Variants in XG observed in about 807,000 individuals in gnomAD.
XG encodes the protein Xg glycoprotein (Xg blood group).
In XG, 24 loss-of-function variants were observed where a neutral mutation model predicts 25.7. That is an observed-to-expected ratio of 0.93 (90% CI 0.68 to 1.31). The LOEUF is 1.31. XG is among the 40% of genes most tolerant of loss of function. The pLI is 0.00. For synonymous variants in XG, 77 were observed against 69.2 expected (o/e 1.11, Z -0.56); for missense variants, 181 against 187.6 (o/e 0.96, Z 0.21).
rs1179667048 is a variant in XG at position 2,786,260 on chromosome X, C to CTTT, written c.191-3369_191-3367dup. ...CCCCAGCAGCTCCTATCCATGTTGT[C>CTTT]TTTTTTTTTTTTTTTTTCAGACAGA... is the stretch of plus-strand genomic sequence containing the variant. On this transcript the variant is annotated intron_variant, in intron 4 of 10. Transcript: ENST00000644266. Among the ~76,000 whole-genome samples, 9 of 60,567 alleles carry CTTT rather than the reference C, an allele frequency of 1.5e-4. 1 individual carries two copies. The highest frequency in any genetic ancestry group is 9.5e-4 in the East Asian group (2 of 2,112). 52.6% of individuals were successfully genotyped at this position (60,567 alleles called of 115,157 possible).
intron 2 of XG, among the ~76,000 whole-genome samples, chrX:2,771,259 A>T (rs311148): frequency 0.5 from 75,396 of 150,676 alleles, 19,318 homozygotes; most frequent in South Asian, 0.64. Flanking sequence ...CTTACACTTC[A>T]GTTCATATCC....
At chrX:2,780,728 AAG>A (rs111344644) in intron 3 of XG, among the ~76,000 whole-genome samples, 50,402 of 149,666 alleles carry the variant, frequency 0.34, 5,061 homozygotes, top group South Asian at 0.4. Context: ...AAAAAAAAAA[AAG>A]AAGAAGTATA....
chrX:2,756,986 A>G (rs2050449770), intron 1 of XG, among the ~76,000 whole-genome samples: 2 of 152,190 alleles, frequency 1.3e-5, no homozygotes, highest in African/African-American at 2.4e-5. Flanking sequence ...TCCAGCATCC[A>G]GGAAGAATCA....
chrX:2,756,313 AAAT>A (rs1328647484), intron 1 of XG, among the ~76,000 whole-genome samples: 3 of 152,186 alleles, frequency 2.0e-5, no homozygotes, highest in African/African-American at 7.2e-5. Context: ...GCAGTGTATG[AAAT>A]GTCATTTATT....
At chrX:2,780,480 G>A (rs935659786) in intron 3 of XG, among the ~76,000 whole-genome samples, 8 of 146,484 alleles carry the variant, frequency 5.5e-5, no homozygotes, top group Admixed American at 1.4e-4. Context: ...CTGTCATCCC[G>A]GCACTTTGGG....
intron 5 of XG, among the ~76,000 whole-genome samples, chrX:2,794,032 G>A (rs2086860606): frequency 9.0e-6 from 1 of 111,137 alleles, no homozygotes; most frequent in African/African-American, 3.3e-5. Flanking sequence ...GGGAGGTGGG[G>A]CAGAAGGAGA....
intron 4 of XG, among the ~76,000 whole-genome samples, chrX:2,783,520 G>C (rs1362272292): frequency 8.9e-6 from 1 of 112,678 alleles, no homozygotes; most frequent in Non-Finnish European, 1.9e-5. Context: ...AGGGGTTCTG[G>C]AAGCTTCCTG....
chrX:2,808,788 G>T (rs2087027873), intron 9 of XG, among the ~76,000 whole-genome samples: 1 of 111,230 alleles, frequency 9.0e-6, no homozygotes, highest in South Asian at 3.9e-4. Flanking sequence ...CAACCCCAAG[G>T]CTCTTGTGAG....
At chrX:2,754,665 G>T (rs1045921805) in intron 1 of XG, among the ~76,000 whole-genome samples, 9 of 152,184 alleles carry the variant, frequency 5.9e-5, no homozygotes, top group African/African-American at 2.2e-4. Flanking sequence ...GCCAGTCCAG[G>T]TTCCAAAACT....
At chrX:2,804,635 G>A (rs752386686) in intron 7 of XG, among the ~76,000 whole-genome samples, 269 of 111,769 alleles carry the variant, frequency 2.4e-3, no homozygotes, top group Middle Eastern at 4.6e-3. Context: ...TTCGGGACAC[G>A]TTCTTTTGTT....
intron 7 of XG, among the ~76,000 whole-genome samples, chrX:2,798,226 C>T (rs1467511051): frequency 9.0e-6 from 1 of 111,257 alleles, no homozygotes; most frequent in Non-Finnish European, 1.9e-5. Flanking sequence ...GTTTGGAAAA[C>T]GACTGAAGCA....
At chrX:2,773,482 G>GGAAGGAAGGAAGGAAGGAGA (rs2050877789) in intron 2 of XG, among the ~76,000 whole-genome samples, 1 of 135,496 alleles carries the variant, frequency 7.4e-6, no homozygotes, top group Non-Finnish European at 1.5e-5. Context: ...AAGGAGAGAG[G>GGAAGGAAGGAAGGAAGGAGA]GAAGGAAGGA....
At chrX:2,789,940 A>C (rs906091263) in intron 5 of XG, among the ~76,000 whole-genome samples, 1 of 109,869 alleles carries the variant, frequency 9.1e-6, no homozygotes, top group Non-Finnish European at 1.9e-5. Context: ...GCAGCCTTGA[A>C]CTCCTGGGCT....
intron 1 of XG, among the ~76,000 whole-genome samples, chrX:2,753,267 T>C (rs760864259): frequency 4.6e-5 from 7 of 152,326 alleles, no homozygotes; most frequent in Non-Finnish European, 1.0e-4. Context: ...TTCTGTGCTG[T>C]CTTCAGATCT....
intron 1 of XG, among the ~76,000 whole-genome samples, chrX:2,753,452 A>G (rs1425318897): frequency 6.6e-6 from 1 of 152,240 alleles, no homozygotes; most frequent in Non-Finnish European, 1.5e-5. Context: ...AAGTGCGGAT[A>G]CAGACAGTTC....
Position 2,811,453 on chromosome X carries a change from G to A in XG, c.571+1G>A, listed in dbSNP as rs1471799818. On this transcript the variant is annotated splice_donor_variant, in intron 10 of 10. Coordinates refer to ENST00000644266, the MANE Select transcript of XG (RefSeq NM_001141919.2). LOFTEE classifies it high-confidence loss of function. The stretch of plus-strand genomic sequence containing the variant: ...AGGAGAAATTGTTTCAGGACCCATG[G>A]TAAGTTTGGCTCTAAACATTGTTTT... 8.4e-7 allele frequency: 1 copy of A among 1,185,639 alleles called. No individual in the cohort carries two copies. Among genetic ancestry groups the A allele is most frequent in the South Asian group, 1.9e-5 (1 of 53,930 alleles).
Position 2,792,490 on chromosome X carries a change from C to G in XG, c.254-2045C>G, listed in dbSNP as rs761418594. ...GCTGGGACTACAGACACACAGCACT[C>G]CACCTGGCTAATTTTTTCTTTTTTC... is the stretch of plus-strand genomic sequence containing the variant. On this transcript the variant is annotated intron_variant, in intron 5 of 10. Transcript: ENST00000644266. 1.0e-4 allele frequency among the ~76,000 whole-genome samples: 11 copies of G among 109,227 alleles called. No individual in the cohort carries two copies. The South Asian group carries it at 4.6e-3, about 45-fold the overall frequency. The allele number at this position is 109,227 out of a possible 115,157, so 94.9% of individuals were successfully genotyped here.
intron 8 of XG, 109 bp downstream of exon 8, chrX:2,806,854 C>T: frequency 3.1e-6 from 2 of 638,603 alleles, no homozygotes; most frequent in Non-Finnish European, 2.3e-6. Flanking sequence ...CAGTGCACAA[C>T]CAACTGGCCG....
At chrX:2,801,200 T>C (rs1368008926) in intron 7 of XG, among the ~76,000 whole-genome samples, 16 of 71,568 alleles carry the variant, frequency 2.2e-4, no homozygotes, top group Non-Finnish European at 3.5e-5. Context: ...AGCTATGCTG[T>C]CTGGGGTACA....
Sources: gnomAD v4.1 joint callset for allele counts (sites outside exome capture counted in the v4.1 genomes callset) on GRCh38, gnomAD v4.1.1 for gene constraint, MANE v1.5 for transcripts, NCBI Gene and HGNC (gene_info 2026-07-23, HGNC 2026-07-21) for gene names.